The following STYXL1 variants were observed in gnomAD, a reference collection of about 807,000 sequenced individuals.
The protein encoded by STYXL1 is serine/threonine/tyrosine interacting like 1, also known as serine/threonine/tyrosine-interacting-like protein 1.
A neutral mutation model predicts 36.4 loss-of-function variants in STYXL1; 32 were observed. The observed-to-expected ratio is 0.88, with a 90% CI of 0.66 to 1.18. The LOEUF (loss-of-function observed/expected upper bound fraction) is 1.18, where lower values mean the gene tolerates loss of function less well. Among genes scored for constraint, STYXL1 ranks in the 50% most tolerant of loss-of-function variants. STYXL1 has a pLI of 0.00. For synonymous variants in STYXL1, 133 were observed against 144.1 expected, an observed-to-expected ratio of 0.92 and a Z score of 0.55; for missense variants, 354 against 394.1, an observed-to-expected ratio of 0.90 and a Z score of 0.86.
At chr7:76,025,627 T>C (rs1388127132) in intron 3 of STYXL1, among the ~76,000 whole-genome samples, 6 of 151,952 alleles carry the variant, frequency 3.9e-5, no homozygotes, top group Admixed American at 6.6e-5. Flanking sequence ...CCATCTCTAC[T>C]AAAAATATAA....
chr7:76,026,874 C>A (rs1554577880), intron 3 of STYXL1, among the ~76,000 whole-genome samples: 3 of 152,156 alleles, frequency 2.0e-5, no homozygotes. Context: ...TGGTGAAACC[C>A]TGTCTCTACT....
rs560206288 is a variant in STYXL1 at position 76,004,874 on chromosome 7, G to C, written c.599+385C>G. 2.9e-4 allele frequency among the ~76,000 whole-genome samples: 44 copies of C among 149,210 alleles called. No individual in the cohort carries two copies. In the South Asian group the frequency reaches 4.7e-3, roughly 16 times the overall value. ...AAACTAGCTGGGCGTGGTGGCGGGC[G>C]CCTGTAGTCCCAGCTACTGGGGAGG... On this transcript the variant is annotated intron_variant, in intron 6 of 8. Coordinates refer to ENST00000359697, the MANE Select transcript of STYXL1 (RefSeq NM_001317785.2).
At chr7:76,025,320 T>TAA (rs113891143) in intron 3 of STYXL1, among the ~76,000 whole-genome samples, 2 of 144,782 alleles carry the variant, frequency 1.4e-5, no homozygotes, top group African/African-American at 2.5e-5. Flanking sequence ...AAATAAAAAT[T>TAA]AAAAAAAAAA....
chr7:76,046,339 T>TGTGTGTGCGCGC (rs1797056612), intron 1 of STYXL1, among the ~76,000 whole-genome samples: 1 of 44,908 alleles, frequency 2.2e-5, no homozygotes, highest in African/African-American at 7.3e-5. Flanking sequence ...TGTGTGTGTG[T>TGTGTGTGCGCGC]GCGCGCGCGC....
At chr7:76,021,724 G>T in intron 4 of STYXL1, 127 bp downstream of exon 4, 1 of 726,246 alleles carries the variant, frequency 1.4e-6, no homozygotes, top group Non-Finnish European at 2.4e-6. Context: ...TTTTTCTGAC[G>T]CAAACCCTGC....
intron 5 of STYXL1, among the ~76,000 whole-genome samples, chr7:76,009,276 GC>G (rs1280212617): frequency 5.0e-5 from 5 of 100,838 alleles, no homozygotes; most frequent in Non-Finnish European, 1.0e-4. Flanking sequence ...CCCCCACCCC[GC>G]CCCCTCCCGA....
chr7:76,028,527 C>T, intron 3 of STYXL1, 115 bp downstream of exon 3: 5 of 924,430 alleles, frequency 5.4e-6, no homozygotes, highest in Non-Finnish European at 6.9e-6. Flanking sequence ...ACGGTGGGCA[C>T]ATAGAAAACA....
Position 76,037,977 on chromosome 7 carries a change from G to A in STYXL1, c.-4-7450C>T, listed in dbSNP as rs577021509. Among the ~76,000 whole-genome samples, 66 of 150,382 alleles carry A rather than the reference G, an allele frequency of 4.4e-4. 12 individuals are homozygous for A. The South Asian group carries it at 0.013, about 30-fold the overall frequency. ...AGCTGAGATAATACACACTGGCAAA[G>A]CTATAGGATCATTCAAGAGCTAAAT... On this transcript the variant is annotated intron_variant, in intron 1 of 8. Transcript: ENST00000359697.
intron 4 of STYXL1, among the ~76,000 whole-genome samples, chr7:76,018,387 G>T (rs893893579): frequency 6.6e-5 from 10 of 151,732 alleles, no homozygotes; most frequent in African/African-American, 2.4e-4. Context: ...GCACATGTCA[G>T]TACTTTTATT....
chr7:76,047,936 G>A lies in STYXL1; in HGVS notation c.-279C>T, dbSNP rs1015127362. The A allele has an allele frequency of 3.4e-6, 5 of 1,449,950 alleles. No individual in the cohort carries two copies. The highest frequency in any genetic ancestry group is 2.4e-5 in the Admixed American group (1 of 41,860). The allele number at this position is 1,449,950 out of a possible 1,614,324, so 89.8% of individuals were successfully genotyped here. A position where few individuals can be genotyped will look rare whatever the true frequency, so the allele number is the denominator to read the frequency against. Reference sequence around the variant, plus strand: ...ACCGGCCACACAGACGGCTACGCTAGAACCCAGCCAAACACCGGGGTTGCC... The same window carrying A: ...ACCGGCCACACAGACGGCTACGCTAAAACCCAGCCAAACACCGGGGTTGCC... On this transcript the variant is annotated 5_prime_UTR_variant, in exon 1 of 9. Coordinates refer to ENST00000359697, the MANE Select transcript of STYXL1 (RefSeq NM_001317785.2).
chr7:75,999,285 T>C (rs1790504333), intron 8 of STYXL1, among the ~76,000 whole-genome samples: 1 of 152,128 alleles, frequency 6.6e-6, no homozygotes, highest in African/African-American at 2.4e-5. Context: ...GGAAGGAACT[T>C]ATATAAGGTA....
chr7:76,044,304 A>C (rs1384801423), intron 1 of STYXL1: 1 of 152,056 alleles, frequency 6.6e-6, no homozygotes, highest in East Asian at 1.9e-4. Context: ...ACTGGCACAT[A>C]CCACCATGCT....
chr7:76,032,348 G>A (rs968592735), intron 1 of STYXL1, among the ~76,000 whole-genome samples: 2 of 149,352 alleles, frequency 1.3e-5, no homozygotes, highest in Non-Finnish European at 1.5e-5. Flanking sequence ...GCAGTAAGCC[G>A]TGATCACACC....
intron 1 of STYXL1, among the ~76,000 whole-genome samples, chr7:76,042,881 A>G (rs1348617284): frequency 1.3e-5 from 2 of 152,176 alleles, no homozygotes; most frequent in Non-Finnish European, 2.9e-5. Context: ...ACCAGAAGCC[A>G]GCCCCTAGGG....
intron 1 of STYXL1, among the ~76,000 whole-genome samples, chr7:76,041,970 C>T (rs1796512345): frequency 6.6e-6 from 1 of 152,156 alleles, no homozygotes. Flanking sequence ...CACTTGAGAC[C>T]TATATACTTC....
At chr7:75,998,239 G>C (rs1790374717) in intron 8 of STYXL1, among the ~76,000 whole-genome samples, 1 of 151,836 alleles carries the variant, frequency 6.6e-6, no homozygotes, top group Non-Finnish European at 1.5e-5. Context: ...AAGACAAAGA[G>C]ACTAGTGGAA....
At chr7:76,013,408 GT>G (rs781872577) in intron 5 of STYXL1, among the ~76,000 whole-genome samples, 20 of 147,078 alleles carry the variant, frequency 1.4e-4, no homozygotes, top group Admixed American at 4.1e-4. Context: ...TCCAGATCTA[GT>G]TTTTTTTTTG....
At chr7:76,027,348 A>T (rs972502515) in intron 3 of STYXL1, among the ~76,000 whole-genome samples, 1 of 152,050 alleles carries the variant, frequency 6.6e-6, no homozygotes, top group African/African-American at 2.4e-5. Flanking sequence ...ATGGGAAGGA[A>T]AAAAGGGAGA....
At chr7:76,001,485 C>T (rs1397745642) in intron 7 of STYXL1, among the ~76,000 whole-genome samples, 2 of 152,076 alleles carry the variant, frequency 1.3e-5, no homozygotes, top group African/African-American at 2.4e-5. Flanking sequence ...CTCTACTCCT[C>T]TCTCTCCTTT....
Sources: gnomAD v4.1 joint callset for allele counts (sites outside exome capture counted in the v4.1 genomes callset) on GRCh38, gnomAD v4.1.1 for gene constraint, MANE v1.5 for transcripts, NCBI Gene and HGNC (gene_info 2026-07-23, HGNC 2026-07-21) for gene names.